CAB39L: variants seen among roughly 807,000 people sequenced by gnomAD.
The protein encoded by CAB39L is calcium binding protein 39 like.
In CAB39L, 23 loss-of-function variants were observed where a neutral mutation model predicts 39.1. That is an observed-to-expected ratio of 0.59 (90% CI 0.42 to 0.83). The LOEUF is 0.83. Ranked by LOEUF, CAB39L falls within the 40% of genes least tolerant of loss-of-function variation. CAB39L has a pLI of 0.00. For synonymous variants in CAB39L, 126 were observed against 137.2 expected (o/e 0.92, Z 0.57); for missense variants, 366 against 391.9 (o/e 0.93, Z 0.56).
At chr13:49,323,736 G>T (rs1227928651) in intron 10 of CAB39L, among the ~76,000 whole-genome samples, 1 of 152,154 alleles carries the variant, frequency 6.6e-6, no homozygotes, top group Non-Finnish European at 1.5e-5. Flanking sequence ...TTTTTTAAAA[G>T]ATACTATATT....
intron 1 of CAB39L, among the ~76,000 whole-genome samples, chr13:49,440,719 T>A (rs1478469226): frequency 4.0e-5 from 1 of 24,776 alleles, no homozygotes; most frequent in African/African-American, 2.1e-4. Flanking sequence ...CTAGGCAGTG[T>A]GTGTGTGTGT....
chr13:49,360,855 C>T (rs1022337480), intron 5 of CAB39L, among the ~76,000 whole-genome samples: 4 of 152,158 alleles, frequency 2.6e-5, no homozygotes, highest in Admixed American at 2.6e-4. Flanking sequence ...CCTGCTTCCC[C>T]TTCCGCCATG....
At chr13:49,382,622 T>C (rs1400482675) in intron 4 of CAB39L, 178 bp downstream of exon 4, 4 of 526,982 alleles carry the variant, frequency 7.6e-6, no homozygotes, top group Non-Finnish European at 1.0e-5. Context: ...CTAAAGTTCA[T>C]CACAACAGAC....
At chr13:49,377,870 G>A (rs1300221733) in intron 4 of CAB39L, among the ~76,000 whole-genome samples, 85 of 86,046 alleles carry the variant, frequency 9.9e-4, no homozygotes, top group African/African-American at 2.6e-3. Flanking sequence ...AAAGTGAGGA[G>A]CGTCTCCGCC....
At chr13:49,345,436 C>T (rs1955119895) in intron 7 of CAB39L, among the ~76,000 whole-genome samples, 1 of 152,084 alleles carries the variant, frequency 6.6e-6, no homozygotes, top group East Asian at 1.9e-4. Context: ...TGGTGTTTTT[C>T]CCCCCCAGTG....
At chr13:49,409,817 G>A (rs897276594) in intron 3 of CAB39L, among the ~76,000 whole-genome samples, 1 of 151,622 alleles carries the variant, frequency 6.6e-6, no homozygotes, top group Non-Finnish European at 1.5e-5. Flanking sequence ...GCTCATGCCT[G>A]TAATCCTAAG....
chr13:49,377,935 T>A (rs1956129185), intron 4 of CAB39L, among the ~76,000 whole-genome samples: 1 of 73,752 alleles, frequency 1.4e-5, no homozygotes, highest in East Asian at 2.4e-4. Context: ...CGCCATCACA[T>A]CTAGGAAGTG....
intron 3 of CAB39L, among the ~76,000 whole-genome samples, chr13:49,418,707 C>T (rs1227540273): frequency 6.6e-6 from 1 of 152,074 alleles, no homozygotes; most frequent in Non-Finnish European, 1.5e-5. Flanking sequence ...GGATTACAGG[C>T]ATGTGCAACC....
At chr13:49,350,996 C>G in intron 6 of CAB39L, 84 bp from the exon 7 acceptor site, 1 of 1,003,954 alleles carries the variant, frequency 1.0e-6, no homozygotes, top group Non-Finnish European at 1.4e-6. Context: ...CATTTCAATA[C>G]TGCTATTAAT....
At chr13:49,344,371 T>C (rs984847303) in intron 7 of CAB39L, 133 bp from the exon 8 acceptor site, 2 of 598,124 alleles carry the variant, frequency 3.3e-6, no homozygotes, top group African/African-American at 3.8e-5. Flanking sequence ...TTATTTCCAT[T>C]CCTAGCTTAG....
chr13:49,356,416 G>A (rs1204421413), intron 6 of CAB39L, among the ~76,000 whole-genome samples: 1 of 152,156 alleles, frequency 6.6e-6, no homozygotes, highest in African/African-American at 2.4e-5. Flanking sequence ...CAGTACCCTG[G>A]AATGTCATTT....
chr13:49,438,118 T>C (rs1249635236), intron 1 of CAB39L, among the ~76,000 whole-genome samples: 1 of 152,156 alleles, frequency 6.6e-6, no homozygotes, highest in Non-Finnish European at 1.5e-5. Context: ...ATTACAGGCA[T>C]TAGCCACCGT....
chr13:49,310,113 TG>T lies in CAB39L; in HGVS notation c.*700del, dbSNP rs1953944120. On this transcript the variant is annotated 3_prime_UTR_variant, in exon 11 of 11. Transcript: ENST00000409308. ...TCTCTAGCAAGCAGGTCACACCCCG[TG>T]GGTCCCCTATTCCCCGTGACCCTTG... The T allele has an allele frequency of 6.6e-6, 1 of 152,512 alleles. No homozygotes were observed. The highest frequency in any genetic ancestry group is 1.5e-5 in the Non-Finnish European group (1 of 68,288). The allele number at this position is 152,512 out of a possible 1,614,324, so 9.4% of individuals were successfully genotyped here. A position where few individuals can be genotyped will look rare whatever the true frequency, so the allele number is the denominator to read the frequency against.
At chr13:49,323,888 T>C (rs1224832021) in intron 10 of CAB39L, among the ~76,000 whole-genome samples, 1 of 152,198 alleles carries the variant, frequency 6.6e-6, no homozygotes, top group African/African-American at 2.4e-5. Flanking sequence ...ATTTTTTTAA[T>C]GTTAGTATGT....
chr13:49,371,876 G>A (rs1355234948), intron 5 of CAB39L, among the ~76,000 whole-genome samples: 8 of 152,144 alleles, frequency 5.3e-5, no homozygotes, highest in Non-Finnish European at 2.9e-5. Context: ...ATAGGCGTGA[G>A]CCACTGCACT....
intron 3 of CAB39L, 69 bp from the exon 4 acceptor site, chr13:49,383,010 T>A: frequency 1.6e-6 from 1 of 606,636 alleles, no homozygotes; most frequent in Non-Finnish European, 2.9e-6. Context: ...TATACCAATG[T>A]CTTATAAGTT....
At chr13:49,343,429 G>T (rs1479593372) in intron 8 of CAB39L, among the ~76,000 whole-genome samples, 1 of 152,184 alleles carries the variant, frequency 6.6e-6, no homozygotes, top group Non-Finnish European at 1.5e-5. Flanking sequence ...AGCCAAGCAA[G>T]CACGAAGACT....
At chr13:49,324,729 T>C (rs748427552) in intron 10 of CAB39L, among the ~76,000 whole-genome samples, 12 of 152,214 alleles carry the variant, frequency 7.9e-5, no homozygotes, top group Non-Finnish European at 1.8e-4. Context: ...GAGGATCACA[T>C]GGAATTTTGT....
intron 3 of CAB39L, among the ~76,000 whole-genome samples, chr13:49,397,592 A>G (rs936978429): frequency 3.3e-5 from 5 of 152,088 alleles, no homozygotes; most frequent in African/African-American, 1.2e-4. Flanking sequence ...TAAGGATCCT[A>G]CTAGGCTATT....
Sources: allele counts gnomAD v4.1 joint callset (sites outside exome capture counted in the v4.1 genomes callset), GRCh38; gene constraint gnomAD v4.1.1; transcripts MANE v1.5; gene names NCBI Gene and HGNC (gene_info 2026-07-23, HGNC 2026-07-21).